The following MAML3 variants were observed in gnomAD, a reference collection of about 807,000 sequenced individuals.
MAML3 encodes mastermind-like protein 3.
A neutral mutation model predicts 101.9 loss-of-function variants in MAML3; 27 were observed. The observed-to-expected ratio is 0.27, with a 90% CI of 0.20 to 0.37. The LOEUF (loss-of-function observed/expected upper bound fraction) is 0.37, where lower values mean the gene tolerates loss of function less well. Among genes scored for constraint, MAML3 ranks in the 10% least tolerant of loss-of-function variants. The pLI is 1.00. For missense variants in MAML3, 1,316 were observed against 1,444.9 expected (o/e 0.91, Z 1.45); for synonymous variants, 501 against 555.9 (o/e 0.90, Z 1.39).
At chr4:139,930,141 C>T (rs2110728872) in intron 1 of MAML3, among the ~76,000 whole-genome samples, 1 of 152,320 alleles carries the variant, frequency 6.6e-6, no homozygotes, top group Non-Finnish European at 1.5e-5. Context: ...AGATAATTTT[C>T]ATTTCAGAAA....
At chr4:139,997,728 T>G (rs1734844620) in intron 1 of MAML3, among the ~76,000 whole-genome samples, 1 of 152,104 alleles carries the variant, frequency 6.6e-6, no homozygotes, top group Non-Finnish European at 1.5e-5. Context: ...AAGAAAGGCA[T>G]GTTAACAGCC....
intron 1 of MAML3, among the ~76,000 whole-genome samples, chr4:140,106,590 C>A (rs995870255): frequency 3.9e-4 from 60 of 152,212 alleles, no homozygotes; most frequent in Admixed American, 3.3e-3. Context: ...CTCTAAAGTA[C>A]TAGGATTTAA....
intron 1 of MAML3, among the ~76,000 whole-genome samples, chr4:140,018,768 T>A (rs1471185146): frequency 6.6e-6 from 1 of 152,242 alleles, no homozygotes; most frequent in Non-Finnish European, 1.5e-5. Context: ...GTTTTGTATA[T>A]AATGTTTTGG....
chr4:139,988,020 C>CAAAAAAAA (rs71593735), intron 1 of MAML3, among the ~76,000 whole-genome samples: 6 of 31,416 alleles, frequency 1.9e-4, no homozygotes, highest in African/African-American at 3.7e-4. Context: ...AACTCCGTCT[C>CAAAAAAAA]AAAAAAAAAA....
At chr4:140,140,526 T>C (rs973664788) in intron 1 of MAML3, among the ~76,000 whole-genome samples, 1 of 151,978 alleles carries the variant, frequency 6.6e-6, no homozygotes, top group Non-Finnish European at 1.5e-5. Context: ...AGTGAGCACA[T>C]AGCTGCATTA....
At chr4:139,811,377 G>A (rs1010230062) in intron 2 of MAML3, among the ~76,000 whole-genome samples, 1 of 152,168 alleles carries the variant, frequency 6.6e-6, no homozygotes, top group Non-Finnish European at 1.5e-5. Context: ...CATGGCTTGA[G>A]TACTATTAGC....
chr4:139,734,682 T>G (rs1030166300), intron 2 of MAML3, among the ~76,000 whole-genome samples: 2 of 152,106 alleles, frequency 1.3e-5, no homozygotes, highest in Admixed American at 6.5e-5. Context: ...AAAACAGTTG[T>G]GGTAAAAATA....
Position 140,152,961 on chromosome 4 carries a change from T to C in MAML3, c.367A>G (p.Lys123Glu), listed in dbSNP as rs1208994216. ...LYQRTLEQRA[K>E]KSGAGTGKQQ... ...TTGCCGGTGCCGGCGCCCGATTTCT[T>C]GGCCCTCTGCTCCAGGGTCCGCTGG... Residue 123 changes from lysine (K) to glutamate (E), a missense_variant, in exon 1 of 5, where the codon AAG becomes GAG. Transcript: ENST00000509479. The C allele has an allele frequency of 1.9e-6, 3 of 1,612,002 alleles. No homozygotes were observed. The Admixed American group carries it at 5.0e-5, about 27-fold the overall frequency.
At chr4:139,932,976 T>A (rs1465461179) in intron 1 of MAML3, among the ~76,000 whole-genome samples, 1 of 152,110 alleles carries the variant, frequency 6.6e-6, no homozygotes, top group Admixed American at 6.5e-5. Flanking sequence ...CACAAGTTTA[T>A]CTGGAAACAC....
intron 2 of MAML3, among the ~76,000 whole-genome samples, chr4:139,751,920 G>A (rs1729517199): frequency 6.6e-6 from 1 of 152,198 alleles, no homozygotes; most frequent in Non-Finnish European, 1.5e-5. Context: ...CACATTCAAA[G>A]CAGAGACCTC....
At chr4:140,009,349 G>A (rs145970713) in intron 1 of MAML3, among the ~76,000 whole-genome samples, 48 of 152,304 alleles carry the variant, frequency 3.2e-4, no homozygotes, top group Admixed American at 1.2e-3. Context: ...TATAGGACAA[G>A]CTTTCCCGCT....
At chr4:139,888,325 C>G (rs1396154006) in intron 2 of MAML3, among the ~76,000 whole-genome samples, 1 of 152,172 alleles carries the variant, frequency 6.6e-6, no homozygotes, top group Non-Finnish European at 1.5e-5. Context: ...ACATGAGGGC[C>G]TCTAAAGCAA....
rs779221494 is a variant in MAML3 at position 139,885,826 on chromosome 4, G to A, written c.2079+3531C>T. ...CAGGCGCCTGTAGTCCCAGCTACTC[G>A]GGAGGCTGAGGCAGGAGAATGGCGT... is the stretch of plus-strand genomic sequence containing the variant. On this transcript the variant is annotated intron_variant, in intron 2 of 4. Coordinates refer to ENST00000509479, the MANE Select transcript of MAML3 (RefSeq NM_018717.5). Among the ~76,000 whole-genome samples the A allele has an allele frequency of 8.7e-5, 13 of 149,384 alleles. 1 individual carries two copies. The South Asian group carries it at 2.3e-3, about 27-fold the overall frequency.
chr4:139,809,767 C>T (rs28638215), intron 2 of MAML3, among the ~76,000 whole-genome samples: 4,050 of 152,174 alleles, frequency 0.027, 189 homozygotes, highest in African/African-American at 0.092. Context: ...CATGTGAGCC[C>T]CCACCTTCCT....
At chr4:139,853,853 G>A (rs1399170795) in intron 2 of MAML3, among the ~76,000 whole-genome samples, 5 of 151,224 alleles carry the variant, frequency 3.3e-5, no homozygotes, top group Non-Finnish European at 5.9e-5. Context: ...ATGGGGTCTC[G>A]CTCTGTCTCC....
At chr4:139,952,386 G>T (rs1179291933) in intron 1 of MAML3, among the ~76,000 whole-genome samples, 1 of 152,058 alleles carries the variant, frequency 6.6e-6, no homozygotes, top group East Asian at 1.9e-4. Context: ...TGGGACCTGG[G>T]GTTACACATG....
chr4:140,117,287 T>G (rs1244194642), intron 1 of MAML3, among the ~76,000 whole-genome samples: 1 of 152,174 alleles, frequency 6.6e-6, no homozygotes, highest in Non-Finnish European at 1.5e-5. Context: ...TCTTACACAC[T>G]TACTATTCTC....
chr4:140,117,916 G>A (rs1414580664), intron 1 of MAML3, among the ~76,000 whole-genome samples: 2 of 151,988 alleles, frequency 1.3e-5, no homozygotes, highest in Admixed American at 1.3e-4. Context: ...GTAATTCTAA[G>A]GGTAATTTGT....
intron 1 of MAML3, among the ~76,000 whole-genome samples, chr4:140,058,591 G>T (rs1727392528): frequency 7.0e-6 from 1 of 142,942 alleles, no homozygotes; most frequent in Non-Finnish European, 1.6e-5. Context: ...TGGCATTATT[G>T]TTAATCTATA....
Sources: allele counts gnomAD v4.1 joint callset (sites outside exome capture counted in the v4.1 genomes callset), GRCh38; gene constraint gnomAD v4.1.1; transcripts MANE v1.5; gene names NCBI Gene and HGNC (gene_info 2026-07-23, HGNC 2026-07-21).